PDE7A: variants seen among roughly 807,000 people sequenced by gnomAD.
PDE7A encodes the protein high affinity 3',5'-cyclic-AMP phosphodiesterase 7A.
Under a neutral mutation model 64.3 loss-of-function variants are expected in PDE7A, and 39 were observed. The observed-to-expected ratio is 0.61, with a 90% CI of 0.47 to 0.79. The LOEUF is 0.79. PDE7A is among the 30% of genes least tolerant of loss of function. The pLI, the probability that PDE7A is intolerant of heterozygous loss-of-function variation, is 0.00. For synonymous variants in PDE7A, 203 were observed against 206.8 expected (o/e 0.98, Z 0.16); for missense variants, 470 against 582.8 (o/e 0.81, Z 1.99).
intron 1 of PDE7A, among the ~76,000 whole-genome samples, chr8:65,827,161 T>C (rs573846083): frequency 1.2e-4 from 19 of 152,330 alleles, no homozygotes; most frequent in African/African-American, 4.6e-4. Flanking sequence ...CACAATGCAT[T>C]GCCTTACCAA....
At chr8:65,815,294 C>G (rs1294315425) in intron 1 of PDE7A, among the ~76,000 whole-genome samples, 1 of 152,110 alleles carries the variant, frequency 6.6e-6, no homozygotes, top group South Asian at 2.1e-4. Context: ...ATCTCAAATA[C>G]TAATTAAACC....
intron 1 of PDE7A, among the ~76,000 whole-genome samples, chr8:65,829,565 T>C (rs1810761752): frequency 6.6e-6 from 1 of 152,118 alleles, no homozygotes; most frequent in Admixed American, 6.5e-5. Flanking sequence ...GCAGGGAATA[T>C]AGTGAGAAAA....
At chr8:65,779,919 T>C (rs1809365601) in intron 2 of PDE7A, 116 bp from the exon 3 acceptor site, 2 of 539,518 alleles carry the variant, frequency 3.7e-6, no homozygotes, top group Non-Finnish European at 3.3e-6. Context: ...CCACTGATCA[T>C]ATATGTGGAA....
chr8:65,769,487 C>G (rs527965974), intron 3 of PDE7A, among the ~76,000 whole-genome samples: 1 of 152,352 alleles, frequency 6.6e-6, no homozygotes, highest in Non-Finnish European at 1.5e-5. Context: ...CAAAATCCCT[C>G]TATCTTGTGT....
At chr8:65,754,922 G>A (rs1473078429) in intron 3 of PDE7A, among the ~76,000 whole-genome samples, 3 of 150,176 alleles carry the variant, frequency 2.0e-5, no homozygotes, top group South Asian at 2.1e-4. Flanking sequence ...CCGAGATCGC[G>A]CCACTGCACT....
intron 1 of PDE7A, among the ~76,000 whole-genome samples, chr8:65,805,264 A>T (rs940138888): frequency 2.0e-5 from 3 of 152,246 alleles, no homozygotes; most frequent in Non-Finnish European, 4.4e-5. Context: ...TGGGATACAA[A>T]CTGGTACCAC....
rs1278366380 is a variant in PDE7A at position 65,716,670 on chromosome 8, T to C, written c.*2620A>G. 1.3e-5 allele frequency among the ~76,000 whole-genome samples: 2 copies of C among 152,222 alleles called. No homozygotes were observed. Among genetic ancestry groups the C allele is most frequent in the Non-Finnish European group, 1.5e-5 (1 of 68,040 alleles). Reference sequence around the variant, plus strand: ...AGAGAATAATTGATAGTTACATTTCTCACTGTAAATTAAAATATTGATAGT... The same window carrying C: ...AGAGAATAATTGATAGTTACATTTCCCACTGTAAATTAAAATATTGATAGT... On this transcript the variant is annotated 3_prime_UTR_variant, in exon 13 of 13. Transcript: ENST00000401827.
chr8:65,719,221 T>A lies in PDE7A; in HGVS notation c.*69A>T. 9.6e-7 allele frequency: 1 copy of A among 1,037,972 alleles called. No homozygotes were observed. Among genetic ancestry groups the A allele is most frequent in the South Asian group, 1.3e-5 (1 of 77,356 alleles). 64.3% of individuals were successfully genotyped at this position (1,037,972 alleles called of 1,614,324 possible). A position where few individuals can be genotyped will look rare whatever the true frequency, so the allele number is the denominator to read the frequency against. ...CTTGGCAGTCAAGAGTTAAGTTCTC[T>A]CACCTCAAGACCCCATTTCACATTT... On this transcript the variant is annotated 3_prime_UTR_variant, in exon 13 of 13. Transcript: ENST00000401827.
chr8:65,759,731 C>T (rs1016602557), intron 3 of PDE7A, among the ~76,000 whole-genome samples: 2 of 152,086 alleles, frequency 1.3e-5, no homozygotes, highest in Non-Finnish European at 2.9e-5. Flanking sequence ...TCCTAAAGGT[C>T]CTTTCTGGAA....
chr8:65,719,827 C>T, intron 12 of PDE7A: 1 of 301,012 alleles, frequency 3.3e-6, no homozygotes, highest in South Asian at 3.8e-5. Flanking sequence ...GATACTCGGG[C>T]ATAGCCCAAT....
intron 3 of PDE7A, among the ~76,000 whole-genome samples, chr8:65,772,724 C>T (rs1024620997): frequency 7.9e-5 from 12 of 152,192 alleles, no homozygotes; most frequent in African/African-American, 2.9e-4. Context: ...GTTAAACTGG[C>T]CAGGTGCGGT....
chr8:65,762,991 A>ATGTG lies in PDE7A; in HGVS notation c.284-15192_284-15189dup, dbSNP rs34371328. On this transcript the variant is annotated intron_variant, in intron 3 of 12. Coordinates refer to ENST00000401827, the MANE Select transcript of PDE7A (RefSeq NM_001242318.3). ...ATCTCTTTATATTTATATAAAAACA[A>ATGTG]TGTGTGTGTGTGTGTGTGTGTGTGT... 9.5e-3 allele frequency among the ~76,000 whole-genome samples: 1,320 copies of ATGTG among 138,586 alleles called. 7 individuals are homozygous for ATGTG. Among genetic ancestry groups the ATGTG allele is most frequent in the Middle Eastern group, 0.014 (4 of 288 alleles). 90.9% of individuals were successfully genotyped at this position (138,586 alleles called of 152,430 possible). A position where few individuals can be genotyped will look rare whatever the true frequency, so the allele number is the denominator to read the frequency against.
intron 3 of PDE7A, among the ~76,000 whole-genome samples, chr8:65,779,456 T>C (rs1809347426): frequency 6.6e-6 from 1 of 151,710 alleles, no homozygotes; most frequent in African/African-American, 2.4e-5. Context: ...TAAAAAAATC[T>C]TTTTAAAGAA....
intron 3 of PDE7A, among the ~76,000 whole-genome samples, chr8:65,753,266 A>G (rs1808052379): frequency 2.0e-5 from 3 of 152,200 alleles, no homozygotes; most frequent in Non-Finnish European, 4.4e-5. Flanking sequence ...TCTTTGTACC[A>G]AGTTCTTAAT....
intron 1 of PDE7A, among the ~76,000 whole-genome samples, chr8:65,787,137 A>C (rs1021009563): frequency 1.3e-5 from 2 of 152,230 alleles, no homozygotes; most frequent in Non-Finnish European, 2.9e-5. Context: ...TTTTCCACTA[A>C]ATGATTTATT....
At chr8:65,790,039 T>C (rs1809658579) in intron 1 of PDE7A, among the ~76,000 whole-genome samples, 1 of 152,206 alleles carries the variant, frequency 6.6e-6, no homozygotes, top group Non-Finnish European at 1.5e-5. Flanking sequence ...TTCCAGAATC[T>C]CTGAAATGAC....
intron 3 of PDE7A, chr8:65,765,416 G>A (rs1444535558): frequency 6.8e-6 from 1 of 146,042 alleles, no homozygotes; most frequent in Non-Finnish European, 1.5e-5. Context: ...GTGAACCCGG[G>A]AGGCGGAGCT....
chr8:65,729,860 T>C (rs1443251482), intron 7 of PDE7A, among the ~76,000 whole-genome samples: 1 of 151,936 alleles, frequency 6.6e-6, no homozygotes, highest in East Asian at 1.9e-4. Context: ...TAAGCCACCA[T>C]GCCCTGCCTA....
chr8:65,820,905 A>G (rs1810526446), intron 1 of PDE7A, among the ~76,000 whole-genome samples: 1 of 152,210 alleles, frequency 6.6e-6, no homozygotes, highest in Admixed American at 6.5e-5. Context: ...TGTTGATTTA[A>G]ACAACTGAGG....
Sources: gnomAD v4.1 joint callset for allele counts (sites outside exome capture counted in the v4.1 genomes callset) on GRCh38, gnomAD v4.1.1 for gene constraint, MANE v1.5 for transcripts, NCBI Gene and HGNC (gene_info 2026-07-23, HGNC 2026-07-21) for gene names.